Variants in INPP4B observed in about 807,000 individuals in gnomAD.
The protein encoded by INPP4B is inositol polyphosphate 4-phosphatase type II.
A neutral mutation model predicts 122.5 loss-of-function variants in INPP4B; 55 were observed. The ratio of observed to expected loss-of-function variants is 0.45; its 90% CI spans 0.36 to 0.56. The LOEUF (loss-of-function observed/expected upper bound fraction) is 0.56. Ranked by LOEUF, INPP4B falls within the 20% of genes least tolerant of loss-of-function variation. The probability of loss-of-function intolerance (pLI) is 0.00; values close to 1 mark genes in which losing one functional copy is unlikely to be tolerated. For synonymous variants in INPP4B, 403 were observed against 388.7 expected, an observed-to-expected ratio of 1.04 and a Z score of -0.43; for missense variants, 1,000 against 1,097.7, an observed-to-expected ratio of 0.91 and a Z score of 1.26.
intron 1 of INPP4B, among the ~76,000 whole-genome samples, chr4:142,841,017 A>T (rs1254559561): frequency 6.6e-6 from 1 of 152,050 alleles, no homozygotes; most frequent in East Asian, 1.9e-4. Context: ...AGGTTTTGTT[A>T]AGGAAGACAA....
At chr4:142,333,824 C>T (rs1406355276) in intron 7 of INPP4B, among the ~76,000 whole-genome samples, 4 of 152,104 alleles carry the variant, frequency 2.6e-5, no homozygotes, top group South Asian at 4.2e-4. Flanking sequence ...ATGATTACCA[C>T]GAACCAGCTA....
chr4:142,257,157 C>A (rs554317668), intron 11 of INPP4B, among the ~76,000 whole-genome samples: 26 of 152,022 alleles, frequency 1.7e-4, no homozygotes, highest in East Asian at 7.7e-4. Context: ...ATTCAACAAC[C>A]CTTCATGCTA....
rs70949153 is a variant in INPP4B, at chr4:142,097,225, T to TTTTATTTTATTTTATTTTATTTTATTTTA, written c.2374+10867_2374+10868insTAAAATAAAATAAAATAAAATAAAATAAA. On this transcript the variant is annotated intron_variant, in intron 23 of 25. Coordinates refer to ENST00000262992, the MANE Select transcript of INPP4B (RefSeq NM_001101669.3). ...TCCATTTTTTGTTTATTTTATGTTA[T>TTTTATTTTATTTTATTTTATTTTATTTTA]TTTTATTTTATTTTATTTTATTTTA... 4.7e-4 allele frequency among the ~76,000 whole-genome samples: 64 copies of TTTTATTTTATTTTATTTTATTTTATTTTA among 135,554 alleles called. 1 individual carries two copies. The highest frequency in any genetic ancestry group is 9.1e-4 in the Admixed American group (12 of 13,256). 88.9% of individuals were successfully genotyped at this position (135,554 alleles called of 152,430 possible). A position where few individuals can be genotyped will look rare whatever the true frequency, so the allele number is the denominator to read the frequency against.
In INPP4B at chr4:142,716,645, T is replaced by C. The variant is rs1315821343; in HGVS notation, c.-191+9194A>G. ...CAATCCTTGCAGAATCACTGGATCC[T>C]GAAAGGTAAAGTTTCCTAACAGGCC... On this transcript the variant is annotated intron_variant, in intron 2 of 25. Coordinates refer to ENST00000262992, the MANE Select transcript of INPP4B (RefSeq NM_001101669.3). Among the ~76,000 whole-genome samples, 5 of 152,216 alleles carry C rather than the reference T, an allele frequency of 3.3e-5. No homozygotes were observed. In the East Asian group the frequency reaches 9.6e-4, roughly 29 times the overall value.
At chr4:142,270,814 T>G (rs991122336) in intron 9 of INPP4B, 40 bp from the exon 10 acceptor site, 10 of 1,320,692 alleles carry the variant, frequency 7.6e-6, no homozygotes, top group Non-Finnish European at 7.7e-6. Context: ...GTAAGAAGCT[T>G]CTCTCTCCCC....
intron 2 of INPP4B, among the ~76,000 whole-genome samples, chr4:142,687,027 A>G (rs1580707696): frequency 6.6e-6 from 1 of 152,038 alleles, no homozygotes; most frequent in Admixed American, 6.6e-5. Flanking sequence ...GAGAAAAAAA[A>G]TTCTTGGGGA....
intron 14 of INPP4B, among the ~76,000 whole-genome samples, chr4:142,204,849 G>T (rs1293886143): frequency 6.6e-6 from 1 of 151,968 alleles, no homozygotes; most frequent in Non-Finnish European, 1.5e-5. Context: ...ATGACATTTT[G>T]ATTTCAGACT....
chr4:142,628,958 A>G (rs1747261217), intron 2 of INPP4B, among the ~76,000 whole-genome samples: 2 of 152,148 alleles, frequency 1.3e-5, no homozygotes, highest in African/African-American at 4.8e-5. Context: ...AAGAAACAAA[A>G]TCCACCTCTC....
chr4:142,236,120 C>T (rs1856604581), intron 12 of INPP4B, among the ~76,000 whole-genome samples: 1 of 152,180 alleles, frequency 6.6e-6, no homozygotes, highest in African/African-American at 2.4e-5. Context: ...TGCTTGTCTA[C>T]TGAGAGTCTT....
chr4:142,544,130 G>GTGTGTGTGT (rs55638202), intron 2 of INPP4B, among the ~76,000 whole-genome samples: 10,843 of 132,930 alleles, frequency 0.082, 840 homozygotes, highest in South Asian at 0.12. Context: ...GTGTGTGTGT[G>GTGTGTGTGT]GTGTGTGTGT....
At chr4:142,070,030 C>CA (rs1269387403) in intron 25 of INPP4B, among the ~76,000 whole-genome samples, 1 of 151,938 alleles carries the variant, frequency 6.6e-6, no homozygotes, top group African/African-American at 2.4e-5. Context: ...AGAGACACAA[C>CA]AAAAAAAGAG....
chr4:142,522,427 A>C (rs1826214433), intron 2 of INPP4B, among the ~76,000 whole-genome samples: 1 of 146,756 alleles, frequency 6.8e-6, no homozygotes, highest in Non-Finnish European at 1.5e-5. Context: ...AGAGCACTGC[A>C]GCTTTGAATT....
At chr4:142,842,837 CAT>C (rs1419814669) in intron 1 of INPP4B, among the ~76,000 whole-genome samples, 3 of 128,926 alleles carry the variant, frequency 2.3e-5, no homozygotes, top group Middle Eastern at 4.6e-3. Context: ...ATTTATATAT[CAT>C]ATATATCAAA....
chr4:142,821,619 C>G, intron 1 of INPP4B, among the ~76,000 whole-genome samples: 1 of 152,106 alleles, frequency 6.6e-6, no homozygotes, highest in African/African-American at 2.4e-5. Context: ...CCAGTTATAA[C>G]TAGATATACA....
At chr4:142,627,391 G>T (rs1392661846) in intron 2 of INPP4B, among the ~76,000 whole-genome samples, 46 of 144,812 alleles carry the variant, frequency 3.2e-4, no homozygotes, top group African/African-American at 1.2e-3. Context: ...CTGTGGGTTT[G>T]TCATAGATAG....
At chr4:142,345,786 A>G (rs568537159) in intron 7 of INPP4B, among the ~76,000 whole-genome samples, 1 of 152,166 alleles carries the variant, frequency 6.6e-6, no homozygotes, top group Non-Finnish European at 1.5e-5. Context: ...AGAATAATAA[A>G]AGAAAATAGA....
intron 18 of INPP4B, among the ~76,000 whole-genome samples, chr4:142,133,255 C>T (rs893847356): frequency 1.3e-5 from 2 of 152,188 alleles, no homozygotes; most frequent in Admixed American, 6.5e-5. Context: ...GTACCATCTA[C>T]ATAATAACAA....
At chr4:142,232,661 C>T (rs775110946) in intron 12 of INPP4B, among the ~76,000 whole-genome samples, 4 of 151,764 alleles carry the variant, frequency 2.6e-5, no homozygotes, top group Non-Finnish European at 5.9e-5. Context: ...CACTTTAAAT[C>T]AAAAGCTAGA....
At chr4:142,783,955 G>T (rs1775319796) in intron 1 of INPP4B, among the ~76,000 whole-genome samples, 4 of 152,096 alleles carry the variant, frequency 2.6e-5, no homozygotes, top group Admixed American at 2.6e-4. Flanking sequence ...GAAATTTTAA[G>T]ACTTTTCAAT....
Sources: allele counts gnomAD v4.1 joint callset (sites outside exome capture counted in the v4.1 genomes callset), GRCh38; gene constraint gnomAD v4.1.1; transcripts MANE v1.5; gene names NCBI Gene and HGNC (gene_info 2026-07-23, HGNC 2026-07-21).